The following SLC41A3 variants were observed in gnomAD, a reference collection of about 807,000 sequenced individuals.
SLC41A3 encodes solute carrier family 41 member 3, also known as SLC41A1-like 2.
A neutral mutation model predicts 45.4 loss-of-function variants in SLC41A3; 44 were observed. That is an observed-to-expected ratio of 0.97 (90% CI 0.76 to 1.25). SLC41A3 has a LOEUF of 1.25. SLC41A3 is among the 50% of genes most tolerant of loss of function. SLC41A3 has a pLI of 0.00. For missense variants in SLC41A3, 550 were observed against 600.6 expected (o/e 0.92, Z 0.88); for synonymous variants, 256 against 252.4 (o/e 1.01, Z -0.13).
chr3:126,064,577 C>A (rs904709910), intron 2 of SLC41A3, among the ~76,000 whole-genome samples: 12 of 152,096 alleles, frequency 7.9e-5, no homozygotes, highest in Admixed American at 5.2e-4. Context: ...CCCACCCTCA[C>A]CAGCAGAGTA....
Position 126,057,894 on chromosome 3 carries a change from C to T in SLC41A3, c.274-6844G>A, listed in dbSNP as rs553733345. 3 of 152,382 alleles carry T rather than the reference C, an allele frequency of 2.0e-5. 1 individual carries two copies. In the South Asian group the frequency reaches 6.2e-4, roughly 32 times the overall value. The allele number at this position is 152,382 out of a possible 1,614,324, so 9.4% of individuals were successfully genotyped here. A position where few individuals can be genotyped will look rare whatever the true frequency, so the allele number is the denominator to read the frequency against. On this transcript the variant is annotated intron_variant, in intron 2 of 10. Coordinates refer to ENST00000360370, the MANE Select transcript of SLC41A3 (RefSeq NM_017836.4). ...CCCACTGAGAGCTAGAGTTTCTGACCCCCTCTTCCCTCTGTCCCCACAGCT... is the reference window on the plus strand; with the variant it reads ...CCCACTGAGAGCTAGAGTTTCTGACTCCCTCTTCCCTCTGTCCCCACAGCT...
chr3:126,039,912 G>T (rs1300208042), intron 3 of SLC41A3, among the ~76,000 whole-genome samples: 6 of 152,182 alleles, frequency 3.9e-5, no homozygotes. Flanking sequence ...CTAGAAGTGT[G>T]GCATCCCAGG....
chr3:126,006,927 C>T lies in SLC41A3; in HGVS notation c.*89G>A. On this transcript the variant is annotated 3_prime_UTR_variant, in exon 11 of 11. Coordinates refer to ENST00000360370, the MANE Select transcript of SLC41A3 (RefSeq NM_017836.4). Reference sequence around the variant, plus strand: ...ACTGCAGAGGCAGGGGTCAACCATCCCAAGGACCTGGCAAGGGAGAAACTG... The same window carrying T: ...ACTGCAGAGGCAGGGGTCAACCATCTCAAGGACCTGGCAAGGGAGAAACTG... 1 of 1,581,674 alleles carries T rather than the reference C, an allele frequency of 6.3e-7. No individual in the cohort carries two copies. Among genetic ancestry groups the T allele is most frequent in the East Asian group, 2.2e-5 (1 of 44,694 alleles).
chr3:126,036,855 A>G (rs191137242), intron 3 of SLC41A3, among the ~76,000 whole-genome samples: 32 of 152,332 alleles, frequency 2.1e-4, no homozygotes, highest in African/African-American at 7.2e-4. Context: ...AGATTGGGGT[A>G]AGACAATCCT....
intron 4 of SLC41A3, among the ~76,000 whole-genome samples, chr3:126,030,168 G>A (rs1313907876): frequency 6.1e-5 from 8 of 130,130 alleles, no homozygotes; most frequent in Non-Finnish European, 1.4e-4. Flanking sequence ...TATATTTTAG[G>A]AAAATTCTAA....
intron 4 of SLC41A3, among the ~76,000 whole-genome samples, chr3:126,031,004 C>T (rs918985015): frequency 1.3e-5 from 2 of 152,164 alleles, no homozygotes; most frequent in African/African-American, 4.8e-5. Flanking sequence ...TTACTGAGTG[C>T]TATCTGCCAT....
At chr3:126,062,071 G>C (rs1944100740) in intron 2 of SLC41A3, among the ~76,000 whole-genome samples, 2 of 152,136 alleles carry the variant, frequency 1.3e-5, no homozygotes, top group Non-Finnish European at 1.5e-5. Flanking sequence ...AATTACAACA[G>C]GACCTTCAAG....
chr3:126,098,888 C>G (rs6762766), intron 1 of SLC41A3, among the ~76,000 whole-genome samples: 106,863 of 150,262 alleles, frequency 0.71, 39,037 homozygotes, highest in African/African-American at 0.9. Context: ...CCTGACTTCT[C>G]TTGACAGCTG....
chr3:126,053,742 G>C (rs188374199), intron 2 of SLC41A3, among the ~76,000 whole-genome samples: 1 of 152,108 alleles, frequency 6.6e-6, no homozygotes, highest in East Asian at 1.9e-4. Context: ...TGACTCAGAA[G>C]TCTCTGTGAG....
intron 3 of SLC41A3, among the ~76,000 whole-genome samples, chr3:126,041,599 CCAGCCAGG>C (rs983939612): frequency 6.6e-6 from 1 of 152,238 alleles, no homozygotes; most frequent in Non-Finnish European, 1.5e-5. Flanking sequence ...CATTCCCTAG[CCAGCCAGG>C]CTGGCATTCA....
chr3:126,034,693 G>T (rs1942058358), intron 3 of SLC41A3, among the ~76,000 whole-genome samples: 1 of 152,234 alleles, frequency 6.6e-6, no homozygotes, highest in Non-Finnish European at 1.5e-5. Flanking sequence ...CCCCTCTTCT[G>T]CTCTGCAGCT....
intron 3 of SLC41A3, among the ~76,000 whole-genome samples, chr3:126,044,856 A>C (rs891926118): frequency 7.2e-6 from 1 of 139,624 alleles, no homozygotes; most frequent in Non-Finnish European, 1.5e-5. Flanking sequence ...AGATGACGCC[A>C]CTGCACTCCA....
At chr3:126,036,677 T>A (rs1942220037) in intron 3 of SLC41A3, among the ~76,000 whole-genome samples, 2 of 152,090 alleles carry the variant, frequency 1.3e-5, no homozygotes, top group Non-Finnish European at 2.9e-5. Context: ...GTATATCACC[T>A]CTCTCCTGCC....
chr3:126,027,158 C>CA lies in SLC41A3; in HGVS notation c.454-680dup, dbSNP rs555544755. ...TTGGCTCTGTAGCCCCACCAAGTCA[C>CA]ATGTTGAATTATAATCCCCGATGTT... On this transcript the variant is annotated intron_variant, in intron 4 of 10. Coordinates refer to ENST00000360370, the MANE Select transcript of SLC41A3 (RefSeq NM_017836.4). 1.1e-4 allele frequency among the ~76,000 whole-genome samples: 16 copies of CA among 152,288 alleles called. No homozygotes were observed. The East Asian group carries it at 3.1e-3, about 29-fold the overall frequency.
chr3:126,035,399 T>G (rs1388006397), intron 3 of SLC41A3, among the ~76,000 whole-genome samples: 1 of 152,090 alleles, frequency 6.6e-6, no homozygotes, highest in African/African-American at 2.4e-5. Flanking sequence ...GGAAGCAGCA[T>G]GCCAGCCAGG....
intron 4 of SLC41A3, among the ~76,000 whole-genome samples, chr3:126,028,652 C>T (rs1941560152): frequency 6.6e-6 from 1 of 152,218 alleles, no homozygotes; most frequent in Non-Finnish European, 1.5e-5. Flanking sequence ...AGAAGAGGGT[C>T]CCCATCCTCC....
intron 6 of SLC41A3, among the ~76,000 whole-genome samples, chr3:126,017,227 C>T (rs1268803336): frequency 2.0e-5 from 3 of 152,242 alleles, no homozygotes; most frequent in Non-Finnish European, 1.5e-5. Context: ...CTCAGTACTT[C>T]GGGTGCACAA....
intron 4 of SLC41A3, among the ~76,000 whole-genome samples, chr3:126,032,674 T>A (rs1941888842): frequency 6.6e-6 from 1 of 152,166 alleles, no homozygotes; most frequent in Non-Finnish European, 1.5e-5. Flanking sequence ...AGGCCAGACT[T>A]GGCTGTTTTG....
intron 2 of SLC41A3, among the ~76,000 whole-genome samples, chr3:126,060,853 A>T (rs994020049): frequency 6.6e-6 from 1 of 152,200 alleles, no homozygotes; most frequent in Non-Finnish European, 1.5e-5. Context: ...CCCACCCCAC[A>T]GCCCACAGCA....
Sources: gnomAD v4.1 joint callset for allele counts (sites outside exome capture counted in the v4.1 genomes callset) on GRCh38, gnomAD v4.1.1 for gene constraint, MANE v1.5 for transcripts, NCBI Gene and HGNC (gene_info 2026-07-23, HGNC 2026-07-21) for gene names.